Variants in PXK observed in about 807,000 individuals in gnomAD.
PXK encodes the protein PX domain-containing protein kinase-like protein.
A neutral mutation model predicts 84.7 loss-of-function variants in PXK; 35 were observed. The ratio of observed to expected loss-of-function variants is 0.41; its 90% CI spans 0.32 to 0.55. The LOEUF is 0.55. Among genes scored for constraint, PXK ranks in the 20% least tolerant of loss-of-function variants. The probability of loss-of-function intolerance (pLI) is 0.21; values close to 1 mark genes in which losing one functional copy is unlikely to be tolerated. For synonymous variants in PXK, 253 were observed against 260.8 expected (o/e 0.97, Z 0.29); for missense variants, 634 against 699.7 (o/e 0.91, Z 1.06).
chr3:58,361,940 A>G (rs2098194609), intron 1 of PXK, among the ~76,000 whole-genome samples: 1 of 152,172 alleles, frequency 6.6e-6, no homozygotes. Context: ...GAGTAGTTAT[A>G]CCATTTTATA....
chr3:58,395,349 T>A (rs944033191), intron 8 of PXK, among the ~76,000 whole-genome samples: 1 of 152,240 alleles, frequency 6.6e-6, no homozygotes, highest in Non-Finnish European at 1.5e-5. Flanking sequence ...AGCTGTTCTC[T>A]TAGGTCAGTT....
At chr3:58,394,516 T>C (rs2057332281) in intron 7 of PXK, among the ~76,000 whole-genome samples, 1 of 152,194 alleles carries the variant, frequency 6.6e-6, no homozygotes, top group African/African-American at 2.4e-5. Context: ...GTATGCTTCT[T>C]GGCTTGGCAC....
chr3:58,419,984 G>C (rs147185221), intron 17 of PXK, among the ~76,000 whole-genome samples: 1 of 152,234 alleles, frequency 6.6e-6, no homozygotes, highest in African/African-American at 2.4e-5. Flanking sequence ...CAGTGCTTCC[G>C]CCTTGAGGAT....
intron 1 of PXK, among the ~76,000 whole-genome samples, chr3:58,356,503 G>T (rs984062238): frequency 1.3e-5 from 2 of 152,076 alleles, no homozygotes; most frequent in Non-Finnish European, 2.9e-5. Context: ...AGGAGGTAGA[G>T]GCCTGACTTC....
intron 1 of PXK, 52 bp from the exon 2 acceptor site, chr3:58,365,822 G>T: frequency 2.2e-6 from 3 of 1,360,348 alleles, no homozygotes; most frequent in South Asian, 1.5e-5. Context: ...CCCTGCTTTG[G>T]GAATCAAACT....
intron 2 of PXK, 67 bp downstream of exon 2, chr3:58,365,991 T>A: frequency 1.5e-6 from 2 of 1,332,304 alleles, no homozygotes; most frequent in Non-Finnish European, 2.1e-6. Flanking sequence ...AAACCCTGAC[T>A]TGGGGCCTCT....
At chr3:58,391,265 G>A (rs11923253) in intron 6 of PXK, 45 bp downstream of exon 6, 492,506 of 1,484,766 alleles carry the variant, frequency 0.33, 88,723 homozygotes, top group Middle Eastern at 0.4. Context: ...ACTTTAGATG[G>A]GTTAATGAAA....
In PXK at chr3:58,368,705, C is replaced by T. The variant is rs777014237; in HGVS notation, c.154-726C>T. On this transcript the variant is annotated intron_variant, in intron 2 of 17. Coordinates refer to ENST00000356151, the MANE Select transcript of PXK (RefSeq NM_017771.5). ...TACTGGGATATCATTTTCTGAGCCC[C>T]GATAGGGTTCTAGGTGATATCCAGG... Among the ~76,000 whole-genome samples, 125 of 152,134 alleles carry T rather than the reference C, an allele frequency of 8.2e-4. 2 individuals are homozygous for T. The highest frequency in any genetic ancestry group is 4.6e-4 in the Non-Finnish European group (31 of 68,026).
At chr3:58,369,366 TTAAA>T (rs1407589369) in intron 2 of PXK, 61 bp from the exon 3 acceptor site, 3 of 1,303,440 alleles carry the variant, frequency 2.3e-6, no homozygotes, top group African/African-American at 3.0e-5. Flanking sequence ...CTAATACATA[TTAAA>T]TAAAGAAATG....
chr3:58,391,118 C>A, intron 5 of PXK, 29 bp from the exon 6 acceptor site: 1 of 1,553,734 alleles, frequency 6.4e-7, no homozygotes, highest in Non-Finnish European at 8.9e-7. Context: ...AATTGTGCAG[C>A]TCTAAGCACA....
In PXK at chr3:58,425,198, T is replaced by G; in HGVS notation, c.*238T>G. 1.9e-6 allele frequency: 1 copy of G among 525,640 alleles called. No individual in the cohort carries two copies. Among genetic ancestry groups the G allele is most frequent in the Non-Finnish European group, 3.3e-6 (1 of 304,540 alleles). 32.6% of individuals were successfully genotyped at this position (525,640 alleles called of 1,614,324 possible). The stretch of plus-strand genomic sequence containing the variant: ...CTTTATTAACCCTGTAAAGGAGTCT[T>G]GTTTATCCTCTAATGGCCAGGCTTT... On this transcript the variant is annotated 3_prime_UTR_variant, in exon 18 of 18. Transcript: ENST00000356151.
intron 4 of PXK, among the ~76,000 whole-genome samples, chr3:58,382,948 A>G (rs111982030): frequency 0.018 from 2,776 of 152,366 alleles, 85 homozygotes; most frequent in African/African-American, 0.063. Context: ...TATTGTATGT[A>G]TACTTATACT....
At chr3:58,405,945 C>T (rs2059336916) in intron 13 of PXK, among the ~76,000 whole-genome samples, 1 of 151,828 alleles carries the variant, frequency 6.6e-6, no homozygotes, top group Non-Finnish European at 1.5e-5. Context: ...ATGTATGTTC[C>T]AATAAGCTTT....
intron 7 of PXK, among the ~76,000 whole-genome samples, chr3:58,393,324 G>GT (rs1452372017): frequency 6.6e-6 from 1 of 151,922 alleles, no homozygotes; most frequent in Non-Finnish European, 1.5e-5. Flanking sequence ...CTCCAGCCTG[G>GT]GCAACAGAGC....
chr3:58,397,485 T>C lies in PXK; in HGVS notation c.985-120T>C, dbSNP rs2057880501. On this transcript the variant is annotated intron_variant, in intron 10 of 17. Coordinates refer to ENST00000356151, the MANE Select transcript of PXK (RefSeq NM_017771.5). The surrounding 1 kb of genome is among the most constrained non-coding windows in gnomAD (Gnocchi z 4.7). ...GAAGGCTTTGGAGTTGCATTTACGT[T>C]ACCAATTAGGAACGGGGCTATCCCT... 1 of 913,764 alleles carries C rather than the reference T, an allele frequency of 1.1e-6. No homozygotes were observed. Among genetic ancestry groups the C allele is most frequent in the Non-Finnish European group, 1.8e-6 (1 of 564,220 alleles). The allele number at this position is 913,764 out of a possible 1,614,324, so 56.6% of individuals were successfully genotyped here. A position where few individuals can be genotyped will look rare whatever the true frequency, so the allele number is the denominator to read the frequency against.
Position 58,332,937 on chromosome 3 carries a change from G to A in PXK, c.-52G>A. On this transcript the variant is annotated 5_prime_UTR_variant, in exon 1 of 18. Coordinates refer to ENST00000356151, the MANE Select transcript of PXK (RefSeq NM_017771.5). This position sits in a 1 kb window ranked among gnomAD's most constrained non-coding sequence, Gnocchi z 5.6. Reference sequence around the variant, plus strand: ...AACCGGGCGGGCGGCGGGAGTCGGCGCCTCGGGTTCCTACCTCGCGTCCCT... The same window carrying A: ...AACCGGGCGGGCGGCGGGAGTCGGCACCTCGGGTTCCTACCTCGCGTCCCT... The A allele has an allele frequency of 8.5e-7, 1 of 1,176,532 alleles. No homozygotes were observed. Among genetic ancestry groups the A allele is most frequent in the Middle Eastern group, 3.3e-4 (1 of 3,054 alleles). 72.9% of individuals were successfully genotyped at this position (1,176,532 alleles called of 1,614,324 possible).
intron 17 of PXK, among the ~76,000 whole-genome samples, chr3:58,420,021 C>T (rs2061577642): frequency 6.6e-6 from 1 of 152,226 alleles, no homozygotes. Context: ...TGGCCTTAGG[C>T]CTGCTCACAC....
chr3:58,357,594 G>A lies in PXK; in HGVS notation c.103-8280G>A, dbSNP rs368906173. On this transcript the variant is annotated intron_variant, in intron 1 of 17. Transcript: ENST00000356151. ...CATGAGTAATCCATTGCGCTATAAT[G>A]TTAAGACATCTGTGATGTCACTAGG... 1.6e-4 allele frequency among the ~76,000 whole-genome samples: 25 copies of A among 152,166 alleles called. 3 individuals carry two copies. Among genetic ancestry groups the A allele is most frequent in the Admixed American group, 1.4e-3 (22 of 15,282 alleles).
chr3:58,353,638 T>C (rs2097993313), intron 1 of PXK, among the ~76,000 whole-genome samples: 1 of 152,226 alleles, frequency 6.6e-6, no homozygotes, highest in African/African-American at 2.4e-5. Flanking sequence ...GCAGAAGTCC[T>C]GCAAGCTGAA....
Sources: allele counts gnomAD v4.1 joint callset (sites outside exome capture counted in the v4.1 genomes callset), GRCh38; gene constraint gnomAD v4.1.1; non-coding constraint Gnocchi (gnomAD v3.1); transcripts MANE v1.5; gene names NCBI Gene and HGNC (gene_info 2026-07-23, HGNC 2026-07-21).